GRM8: variants seen among roughly 807,000 people sequenced by gnomAD.
GRM8 encodes metabotropic glutamate receptor 8.
In GRM8, 47 loss-of-function variants were observed where a neutral mutation model predicts 87.2. That is an observed-to-expected ratio of 0.54 (90% confidence interval 0.43 to 0.69). The LOEUF (loss-of-function observed/expected upper bound fraction) is 0.69, where lower values mean the gene tolerates loss of function less well. GRM8 is among the 30% of genes least tolerant of loss of function. The pLI is 0.00. For synonymous variants in GRM8, 396 were observed against 404.5 expected (o/e 0.98, Z 0.25); for missense variants, 1,019 against 1,139.2 (o/e 0.89, Z 1.52).
intron 2 of GRM8, among the ~76,000 whole-genome samples, chr7:127,204,057 T>A (rs1795771209): frequency 6.6e-6 from 1 of 152,200 alleles, no homozygotes; most frequent in African/African-American, 2.4e-5. Context: ...ACTGTGGAGT[T>A]TATTAATTTA....
rs1216209727 is a variant in GRM8 at position 127,045,311 on chromosome 7, GT to G, written c.727+61184del. On this transcript the variant is annotated intron_variant, in intron 3 of 10. Coordinates refer to ENST00000339582, the MANE Select transcript of GRM8 (RefSeq NM_000845.3). ...CCTGTTTTCTATTTCATTATCTGGA[GT>G]TTTTTTTTTTTCAGTAATTTGTAGG... Among the ~76,000 whole-genome samples the G allele has an allele frequency of 7.8e-3, 1,116 of 142,218 alleles. 11 individuals are homozygous for G. Among genetic ancestry groups the G allele is most frequent in the African/African-American group, 0.025 (978 of 39,132 alleles). 93.3% of individuals were successfully genotyped at this position (142,218 alleles called of 152,430 possible).
intron 7 of GRM8, among the ~76,000 whole-genome samples, chr7:126,648,716 C>T (rs927706128): frequency 2.0e-5 from 3 of 152,184 alleles, no homozygotes; most frequent in African/African-American, 7.2e-5. Context: ...CTAGAAACTC[C>T]ATTATCTGAA....
chr7:126,976,009 C>T (rs1810950109), intron 3 of GRM8, among the ~76,000 whole-genome samples: 1 of 152,110 alleles, frequency 6.6e-6, no homozygotes, highest in Non-Finnish European at 1.5e-5. Flanking sequence ...AAATCAGGGA[C>T]TGCCAAGGAC....
chr7:126,524,259 A>C (rs954186933), intron 9 of GRM8, among the ~76,000 whole-genome samples: 4 of 152,166 alleles, frequency 2.6e-5, no homozygotes, highest in Non-Finnish European at 1.5e-5. Context: ...TGGATAATTC[A>C]TATGTAGATA....
rs17863224 is a variant in GRM8 at position 127,147,603 on chromosome 7, T to C, written c.511-40891A>G. Among the ~76,000 whole-genome samples the C allele has an allele frequency of 2.1e-3, 318 of 152,162 alleles. 1 individual carries two copies. The highest frequency in any genetic ancestry group is 3.8e-3 in the Non-Finnish European group (257 of 67,960). On this transcript the variant is annotated intron_variant, in intron 2 of 10. Coordinates refer to ENST00000339582, the MANE Select transcript of GRM8 (RefSeq NM_000845.3). Reference sequence around the variant, plus strand: ...TACAAGTATACTAACTTAGTATATTTCTAATATCCTCTAATCCACATTTGC... The same window carrying C: ...TACAAGTATACTAACTTAGTATATTCCTAATATCCTCTAATCCACATTTGC...
chr7:126,655,042 T>A (rs1052698449), intron 7 of GRM8, among the ~76,000 whole-genome samples: 1 of 152,154 alleles, frequency 6.6e-6, no homozygotes, highest in Non-Finnish European at 1.5e-5. Context: ...TGAGAAAATT[T>A]GGCCAGAAAA....
chr7:126,872,328 T>G (rs992125067), intron 6 of GRM8, among the ~76,000 whole-genome samples: 1 of 152,152 alleles, frequency 6.6e-6, no homozygotes, highest in South Asian at 2.1e-4. Flanking sequence ...GGAGGACACA[T>G]GCTTAGAACC....
At chr7:126,616,795 C>T (rs905229402) in intron 7 of GRM8, among the ~76,000 whole-genome samples, 22 of 152,026 alleles carry the variant, frequency 1.4e-4, no homozygotes, top group African/African-American at 4.8e-4. Context: ...AAAAATTCCT[C>T]GACACATACA....
chr7:126,804,633 A>G (rs1466764218), intron 6 of GRM8, among the ~76,000 whole-genome samples: 1 of 152,210 alleles, frequency 6.6e-6, no homozygotes, highest in Non-Finnish European at 1.5e-5. Flanking sequence ...CAACGAAGAC[A>G]CCTGCATTTT....
At position 126,548,281 on chromosome 7, in the gene GRM8, T is replaced by A. The variant is rs988877142; in HGVS notation, c.1495-14394A>T. ...TATACATATGTAACAAACCTGCACA[T>A]TGTGCACATGTAACCTAGAACTTAA... On this transcript the variant is annotated intron_variant, in intron 8 of 10. Transcript: ENST00000339582. Among the ~76,000 whole-genome samples, 4 of 151,494 alleles carry A rather than the reference T, an allele frequency of 2.6e-5. No homozygotes were observed. In the South Asian group the frequency reaches 8.4e-4, roughly 32 times the overall value.
intron 9 of GRM8, among the ~76,000 whole-genome samples, chr7:126,492,797 A>T (rs778274105): frequency 6.6e-6 from 1 of 152,068 alleles, no homozygotes; most frequent in African/African-American, 2.4e-5. Flanking sequence ...TAATTCTGTC[A>T]GATGGACCTC....
rs138617678 is a variant in GRM8 at position 127,087,780 on chromosome 7, A to T, written c.727+18716T>A. ...ACTTTTTACCATAATAAAATGAAATAAAAAAATGAAGAATCTAAAAATTTA... is the reference window on the plus strand; with the variant it reads ...ACTTTTTACCATAATAAAATGAAATTAAAAAATGAAGAATCTAAAAATTTA... On this transcript the variant is annotated intron_variant, in intron 3 of 10. Transcript: ENST00000339582. Among the ~76,000 whole-genome samples, 201 of 152,332 alleles carry T rather than the reference A, an allele frequency of 1.3e-3. 1 individual carries two copies. Among genetic ancestry groups the T allele is most frequent in the African/African-American group, 4.6e-3 (191 of 41,578 alleles).
chr7:127,043,005 A>C (rs1818576263), intron 3 of GRM8, among the ~76,000 whole-genome samples: 1 of 152,244 alleles, frequency 6.6e-6, no homozygotes, highest in Non-Finnish European at 1.5e-5. Flanking sequence ...CAAAAGACAC[A>C]TGAAAAAAGG....
intron 9 of GRM8, among the ~76,000 whole-genome samples, chr7:126,467,049 G>A (rs1452999988): frequency 6.6e-6 from 1 of 151,712 alleles, no homozygotes; most frequent in Non-Finnish European, 1.5e-5. Context: ...GAACATGCAG[G>A]TTTGTTACAC....
intron 2 of GRM8, among the ~76,000 whole-genome samples, chr7:127,181,544 A>G (rs542412918): frequency 2.0e-5 from 3 of 151,902 alleles, no homozygotes; most frequent in Non-Finnish European, 4.4e-5. Flanking sequence ...CCAAAGCAAG[A>G]CTAAGCAAAA....
intron 3 of GRM8, among the ~76,000 whole-genome samples, chr7:126,995,415 G>C (rs1813082465): frequency 6.6e-6 from 1 of 152,234 alleles, no homozygotes; most frequent in African/African-American, 2.4e-5. Context: ...CTTTCAGGCA[G>C]AGAATTCAAA....
At chr7:126,635,600 G>GT (rs536272344) in intron 7 of GRM8, among the ~76,000 whole-genome samples, 27 of 151,288 alleles carry the variant, frequency 1.8e-4, no homozygotes, top group East Asian at 1.4e-3. Context: ...GCTCTGAGGA[G>GT]TTTTTTTTTA....
chr7:126,464,805 C>CA (rs1804305979), intron 9 of GRM8, among the ~76,000 whole-genome samples: 1 of 151,698 alleles, frequency 6.6e-6, no homozygotes, highest in African/African-American at 2.4e-5. Flanking sequence ...TTCATCCCCC[C>CA]ACTTTTGAGG....
chr7:127,036,229 AG>A (rs1186778743), intron 3 of GRM8, among the ~76,000 whole-genome samples: 3 of 152,210 alleles, frequency 2.0e-5, no homozygotes, highest in Non-Finnish European at 4.4e-5. Flanking sequence ...ACTGAGGTAT[AG>A]AGGAGCTAAG....
Sources: allele counts gnomAD v4.1 joint callset (sites outside exome capture counted in the v4.1 genomes callset), GRCh38; gene constraint gnomAD v4.1.1; transcripts MANE v1.5; gene names NCBI Gene and HGNC (gene_info 2026-07-23, HGNC 2026-07-21).